Variants in OSBPL11 observed in about 807,000 individuals in gnomAD.
OSBPL11 encodes oxysterol-binding protein-related protein 11.
OSBPL11 carries 33 observed loss-of-function variants against 84.4 expected under a neutral mutation model. That is an observed-to-expected ratio of 0.39 (90% CI 0.30 to 0.52). The LOEUF is 0.52. Among genes scored for constraint, OSBPL11 ranks in the 20% least tolerant of loss-of-function variants. The pLI, the probability that OSBPL11 is intolerant of heterozygous loss-of-function variation, is 0.72. For synonymous variants in OSBPL11, 276 were observed against 310.2 expected (o/e 0.89, Z 1.16); for missense variants, 736 against 901.1 (o/e 0.82, Z 2.35).
intron 8 of OSBPL11, among the ~76,000 whole-genome samples, chr3:125,557,791 C>CTTTTTTTTT (rs11295103): frequency 2.4e-5 from 2 of 81,978 alleles, no homozygotes; most frequent in Non-Finnish European, 4.3e-5. Context: ...ATACAACTTT[C>CTTTTTTTTT]TTTTTTTTTT....
intron 11 of OSBPL11, among the ~76,000 whole-genome samples, chr3:125,532,290 G>A (rs1025088514): frequency 2.0e-5 from 3 of 152,016 alleles, no homozygotes; most frequent in African/African-American, 7.2e-5. Flanking sequence ...AGAAATTAAC[G>A]AGTAAAAAGA....
intron 10 of OSBPL11, among the ~76,000 whole-genome samples, chr3:125,544,713 AC>A (rs1935785340): frequency 6.6e-6 from 1 of 152,184 alleles, no homozygotes; most frequent in Admixed American, 6.5e-5. Context: ...GCCTCTCTCC[AC>A]AACTCAGGCT....
intron 12 of OSBPL11, among the ~76,000 whole-genome samples, 181 bp downstream of exon 12, chr3:125,531,680 T>G (rs1935558026): frequency 6.6e-6 from 1 of 152,166 alleles, no homozygotes; most frequent in Non-Finnish European, 1.5e-5. Flanking sequence ...CTGCCTTTTT[T>G]TTGAGACAGA....
At chr3:125,590,922 AC>A (rs1936586668) in intron 1 of OSBPL11, among the ~76,000 whole-genome samples, 1 of 152,224 alleles carries the variant, frequency 6.6e-6, no homozygotes, top group African/African-American at 2.4e-5. Context: ...AACCTTAGCT[AC>A]ATGCAATATA....
intron 11 of OSBPL11, among the ~76,000 whole-genome samples, chr3:125,537,972 C>A (rs889172273): frequency 1.3e-5 from 2 of 152,144 alleles, no homozygotes; most frequent in Non-Finnish European, 2.9e-5. Context: ...CACACCTTTT[C>A]CCCAAAGAAG....
rs934117082 is a variant in OSBPL11, at chr3:125,567,291, CTTTTT to C, written c.868+98_868+102del. ...ACCAACAGGCTCTGGTTTTCTTCTC[CTTTTT>C]TTAAGTTAAGATTTTCTGAAATTAG... On this transcript the variant is annotated intron_variant, in intron 6 of 12. Transcript: ENST00000296220. 1.6e-5 allele frequency: 17 copies of C among 1,071,478 alleles called. No individual in the cohort carries two copies. In the African/African-American group the frequency reaches 2.1e-4, roughly 13 times the overall value. 66.4% of individuals were successfully genotyped at this position (1,071,478 alleles called of 1,614,324 possible).
Position 125,552,571 on chromosome 3 carries a change from C to T in OSBPL11, c.1264G>A (p.Glu422Lys), listed in dbSNP as rs759039880. ...TCAACAAAGCGAATCATTCTGTCCT[C>T]AGCTGTGGCTCCATTAGTGATGGCT... ...FIAITNGATA[E>K]DRMIRFVEYY... Residue 422 changes from glutamate to lysine, a missense_variant, in exon 9 of 13, where the codon GAG (glutamate) becomes AAG (lysine). Physicochemically the swap from Glu to Lys is moderately conservative, Grantham distance 56 (BLOSUM62 1). Around this residue, in one of 3 missense-constraint regions of OSBPL11, gnomAD observed 579 missense variants for 717.6 expected, o/e 0.81. Coordinates refer to ENST00000296220, the MANE Select transcript of OSBPL11 (RefSeq NM_022776.5). 1.9e-6 allele frequency: 3 copies of T among 1,614,226 alleles called. No individual in the cohort carries two copies. The highest frequency in any genetic ancestry group is 4.5e-5 in the East Asian group (2 of 44,886).
intron 2 of OSBPL11, among the ~76,000 whole-genome samples, chr3:125,581,231 A>G (rs1210008522): frequency 6.6e-6 from 1 of 151,794 alleles, no homozygotes; most frequent in Non-Finnish European, 1.5e-5. Flanking sequence ...ACCTGGGATT[A>G]CAGGCGCCCA....
chr3:125,553,890 T>TAAAGACAAACCC (rs1482710577), intron 8 of OSBPL11, among the ~76,000 whole-genome samples: 1 of 152,180 alleles, frequency 6.6e-6, no homozygotes, highest in Non-Finnish European at 1.5e-5. Flanking sequence ...TAACTTCATA[T>TAAAGACAAACCC]AAAGACAAAC....
chr3:125,571,636 AGCTCGTCTG>A (rs1936244330), intron 5 of OSBPL11, among the ~76,000 whole-genome samples: 1 of 152,152 alleles, frequency 6.6e-6, no homozygotes, highest in Non-Finnish European at 1.5e-5. Context: ...GTCAACGTAG[AGCTCGTCTG>A]TGGCCTCAGA....
chr3:125,574,940 T>C (rs988073442), intron 5 of OSBPL11, among the ~76,000 whole-genome samples: 2 of 152,228 alleles, frequency 1.3e-5, no homozygotes, highest in Non-Finnish European at 2.9e-5. Context: ...TTCACCGATA[T>C]ATATTAGATT....
intron 10 of OSBPL11, among the ~76,000 whole-genome samples, chr3:125,540,926 T>C (rs916375115): frequency 6.6e-6 from 1 of 152,214 alleles, no homozygotes. Flanking sequence ...CTCATCACTT[T>C]GCTTATAACA....
chr3:125,577,399 C>T (rs111933362), intron 4 of OSBPL11, among the ~76,000 whole-genome samples: 2 of 152,076 alleles, frequency 1.3e-5, no homozygotes, highest in East Asian at 1.9e-4. Flanking sequence ...AATAAGCACA[C>T]GAAAAGGTGC....
intron 1 of OSBPL11, among the ~76,000 whole-genome samples, chr3:125,593,196 G>A (rs1355943281): frequency 6.6e-6 from 1 of 152,092 alleles, no homozygotes; most frequent in Non-Finnish European, 1.5e-5. Context: ...GAAGCGCCAC[G>A]GACAGGGGAC....
At chr3:125,594,520 T>C in intron 1 of OSBPL11, 117 bp downstream of exon 1, 2 of 1,199,078 alleles carry the variant, frequency 1.7e-6, no homozygotes. Context: ...GATGTATCAG[T>C]AGCTTCTGGA....
intron 7 of OSBPL11, among the ~76,000 whole-genome samples, chr3:125,563,099 A>G (rs1335063718): frequency 6.6e-6 from 1 of 152,250 alleles, no homozygotes; most frequent in East Asian, 1.9e-4. Context: ...TCAAGTAAAA[A>G]TAGCTTAAAA....
At chr3:125,572,571 T>C (rs1032338144) in intron 5 of OSBPL11, among the ~76,000 whole-genome samples, 4 of 152,048 alleles carry the variant, frequency 2.6e-5, no homozygotes, top group African/African-American at 9.7e-5. Flanking sequence ...CTTGTGATAG[T>C]GAATAAGTCT....
intron 10 of OSBPL11, among the ~76,000 whole-genome samples, chr3:125,539,123 C>T (rs1935684691): frequency 6.6e-6 from 1 of 151,132 alleles, no homozygotes; most frequent in African/African-American, 2.4e-5. Context: ...TTAGAAACCA[C>T]ACAAACCAAT....
intron 11 of OSBPL11, among the ~76,000 whole-genome samples, chr3:125,533,981 C>A (rs1003673908): frequency 5.3e-5 from 8 of 152,184 alleles, no homozygotes; most frequent in African/African-American, 1.9e-4. Flanking sequence ...CACATGCCAT[C>A]ACATCCAACT....
Sources: allele counts gnomAD v4.1 joint callset (sites outside exome capture counted in the v4.1 genomes callset), GRCh38; gene constraint gnomAD v4.1.1; regional missense constraint gnomAD v4.1.1; transcripts MANE v1.5; gene names NCBI Gene and HGNC (gene_info 2026-07-23, HGNC 2026-07-21).